Variants in KIF5A observed in about 807,000 individuals in gnomAD.
KIF5A encodes kinesin heavy chain isoform 5A.
In KIF5A, 35 loss-of-function variants were observed where a neutral mutation model predicts 141.3. That is an observed-to-expected ratio of 0.25 (90% CI 0.19 to 0.33). The LOEUF (loss-of-function observed/expected upper bound fraction) is 0.33, where lower values mean the gene tolerates loss of function less well. Ranked by LOEUF, KIF5A falls within the 10% of genes least tolerant of loss-of-function variation. KIF5A has a pLI of 1.00. For synonymous variants in KIF5A, 448 were observed against 500.2 expected, an observed-to-expected ratio of 0.90 and a Z score of 1.39; for missense variants, 861 against 1,314.3, an observed-to-expected ratio of 0.66 and a Z score of 5.33.
Position 57,550,211 on chromosome 12 carries a change from T to A in KIF5A, c.-61T>A, listed in dbSNP as rs762571585. On this transcript the variant is annotated 5_prime_UTR_variant, in exon 1 of 29. Transcript: ENST00000455537. This position sits in a 1 kb window ranked among gnomAD's most constrained non-coding sequence, Gnocchi z 4.6. ...TCGGCCTCTGCTGAGAGCCCTCTCC[T>A]CTGGAGCACACACCACCCCTGCAGC... 1 of 1,610,996 alleles carries A rather than the reference T, an allele frequency of 6.2e-7. No homozygotes were observed. Among genetic ancestry groups the A allele is most frequent in the Non-Finnish European group, 8.5e-7 (1 of 1,179,148 alleles).
chr12:57,550,271 C>T lies in KIF5A; in HGVS notation c.-1C>T. 6.2e-7 allele frequency: 1 copy of T among 1,614,080 alleles called. No individual in the cohort carries two copies. Among genetic ancestry groups the T allele is most frequent in the Non-Finnish European group, 8.5e-7 (1 of 1,180,020 alleles). ...GTCCCAGCCCCACGCCGGCTACCACCATGGCGGAGACCAACAACGAATGTA... is the reference window on the plus strand; with the variant it reads ...GTCCCAGCCCCACGCCGGCTACCACTATGGCGGAGACCAACAACGAATGTA... On this transcript the variant is annotated 5_prime_UTR_variant, in exon 1 of 29. Transcript: ENST00000455537. The surrounding 1 kb of genome is among the most constrained non-coding windows in gnomAD (Gnocchi z 4.6).
At chr12:57,583,240 C>A in intron 28 of KIF5A, 25 bp downstream of exon 28, 1 of 1,436,068 alleles carries the variant, frequency 7.0e-7, no homozygotes, top group Non-Finnish European at 9.7e-7. Context: ...CTTCCTCGGA[C>A]CAGCCTCAGG....
At chr12:57,574,727 T>C (rs911881566) in intron 15 of KIF5A, among the ~76,000 whole-genome samples, 1 of 151,742 alleles carries the variant, frequency 6.6e-6, no homozygotes, top group Non-Finnish European at 1.5e-5. Context: ...ATTACAGGCA[T>C]GTGCCATGAT....
chr12:57,568,478 C>A (rs561411729), intron 8 of KIF5A, among the ~76,000 whole-genome samples: 2 of 152,212 alleles, frequency 1.3e-5, no homozygotes, highest in South Asian at 4.1e-4. Context: ...GTAATCCCAG[C>A]ACTTTGCGAG....
chr12:57,569,152 C>A, intron 9 of KIF5A, 85 bp downstream of exon 9: 1 of 1,557,690 alleles, frequency 6.4e-7, no homozygotes, highest in Non-Finnish European at 8.8e-7. Context: ...GATCATGCCC[C>A]AATTCATGGG....
chr12:57,558,615 G>A (rs909966448), intron 1 of KIF5A, among the ~76,000 whole-genome samples: 5 of 152,180 alleles, frequency 3.3e-5, no homozygotes, highest in South Asian at 2.1e-4. Context: ...CAGAGGTTGC[G>A]GTGAGCTGAG....
At chr12:57,555,398 A>G (rs1881699571) in intron 1 of KIF5A, among the ~76,000 whole-genome samples, 1 of 152,174 alleles carries the variant, frequency 6.6e-6, no homozygotes, top group South Asian at 2.1e-4. Context: ...AAATTAATTC[A>G]TCCTGAGTAT....
intron 17 of KIF5A, 66 bp downstream of exon 17, chr12:57,575,823 C>T: frequency 8.6e-7 from 1 of 1,166,718 alleles, no homozygotes; most frequent in African/African-American, 1.5e-5. Flanking sequence ...CAAAATAAAT[C>T]ACCCCAATAA....
rs11430710 is a variant in KIF5A, at chr12:57,574,581, A to ATT, written c.1717-486_1717-485dup. On this transcript the variant is annotated intron_variant, in intron 15 of 28. Coordinates refer to ENST00000455537, the MANE Select transcript of KIF5A (RefSeq NM_004984.4). ...GCCACCGAGCCCGGCCCAGAATTGG[A>ATT]TTTTTTTTTTTTTTTTTTGAGATGG... is the stretch of plus-strand genomic sequence containing the variant. 5.7e-4 allele frequency among the ~76,000 whole-genome samples: 57 copies of ATT among 100,766 alleles called. 1 individual carries two copies. The highest frequency in any genetic ancestry group is 2.7e-3 in the East Asian group (9 of 3,376). The allele number at this position is 100,766 out of a possible 152,430, so 66.1% of individuals were successfully genotyped here.
chr12:57,583,678 C>A (rs1565706101), intron 28 of KIF5A, among the ~76,000 whole-genome samples: 1 of 152,216 alleles, frequency 6.6e-6, no homozygotes, highest in Admixed American at 6.5e-5. Context: ...CACGCCTGCA[C>A]CTGTGTCCCA....
chr12:57,557,115 G>A (rs374849956), intron 1 of KIF5A, among the ~76,000 whole-genome samples: 51 of 152,072 alleles, frequency 3.4e-4, no homozygotes, highest in African/African-American at 9.6e-4. Context: ...ATAATTATGC[G>A]CCTAATATAA....
rs1351000839 is a variant in KIF5A, at chr12:57,585,006, C to T, written c.*825C>T. ...GGAGGAGGCAGACTGCTCCCAGCAG[C>T]CTGTCAATGGCTGCTCATCTGTCCA... On this transcript the variant is annotated 3_prime_UTR_variant, in exon 29 of 29. Coordinates refer to ENST00000455537, the MANE Select transcript of KIF5A (RefSeq NM_004984.4). 3.3e-5 allele frequency: 5 copies of T among 152,326 alleles called. No individual in the cohort carries two copies. In the East Asian group the frequency reaches 5.8e-4, roughly 18 times the overall value. The allele number at this position is 152,326 out of a possible 1,614,324, so 9.4% of individuals were successfully genotyped here. A position where few individuals can be genotyped will look rare whatever the true frequency, so the allele number is the denominator to read the frequency against.
intron 1 of KIF5A, among the ~76,000 whole-genome samples, chr12:57,552,266 G>T (rs1881600318): frequency 1.3e-5 from 2 of 152,176 alleles, no homozygotes; most frequent in African/African-American, 4.8e-5. Context: ...GTGGGATGGG[G>T]CAGGGGGTGA....
intron 1 of KIF5A, among the ~76,000 whole-genome samples, chr12:57,553,846 C>T (rs1209575332): frequency 1.3e-5 from 2 of 152,052 alleles, no homozygotes; most frequent in East Asian, 1.9e-4. Context: ...TCAGAGAAGG[C>T]TATAAGGAGC....
chr12:57,562,155 CAT>C (rs1220950611), intron 1 of KIF5A, among the ~76,000 whole-genome samples: 4 of 152,220 alleles, frequency 2.6e-5, no homozygotes, highest in African/African-American at 9.6e-5. Context: ...CTTATCAGCA[CAT>C]GTGATTTACA....
rs374554951 is a variant in KIF5A, at chr12:57,576,833, C to T, written c.2271C>T (p.His757=). ...ADYEKLKSEE[H]EKSTKLQELT... ...ACGAGAAGCTGAAGAGCGAAGAACA[C>T]GAGAAGAGCACCAAGCTGCAGGAGC... Residue 757 remains histidine, a synonymous_variant, in exon 20 of 29, where the codon CAC becomes CAT. Coordinates refer to ENST00000455537, the MANE Select transcript of KIF5A (RefSeq NM_004984.4). 91 of 1,613,620 alleles carry T rather than the reference C, an allele frequency of 5.6e-5. 1 individual carries two copies. The highest frequency in any genetic ancestry group is 5.6e-4 in the East Asian group (25 of 44,870).
chr12:57,563,831 G>A, intron 3 of KIF5A, 138 bp downstream of exon 3: 1 of 821,900 alleles, frequency 1.2e-6, no homozygotes, highest in South Asian at 1.4e-5. Context: ...GAACTGAAGG[G>A]CAATATTAGG....
Position 57,572,255 on chromosome 12 carries a change from G to A in KIF5A, c.1557G>A (p.Leu519=), listed in dbSNP as rs1460072121. 1.1e-5 allele frequency: 18 copies of A among 1,592,078 alleles called. No homozygotes were observed. The highest frequency in any genetic ancestry group is 3.6e-5 in the Admixed American group (2 of 56,242). Residue 519 remains leucine (L), a synonymous_variant, in exon 14 of 29, where the codon CTG becomes CTA. Coordinates refer to ENST00000455537, the MANE Select transcript of KIF5A (RefSeq NM_004984.4). The surrounding 1 kb of genome is among the most constrained non-coding windows in gnomAD (Gnocchi z 4.2). ...AGAACCAGCTTCTGGTGGATGAGCT[G>A]TCTCAGAAGGTGGTAAGTGGTGTGC... ...SQQNQLLVDE[L]SQKVATMLSL...
intron 17 of KIF5A, 54 bp downstream of exon 17, chr12:57,575,811 A>G (rs1882406388): frequency 5.8e-6 from 7 of 1,212,014 alleles, no homozygotes; most frequent in Non-Finnish European, 8.6e-6. Flanking sequence ...AGTCAGAAAC[A>G]TCAAAATAAA....
Sources: gnomAD v4.1 joint callset for allele counts (sites outside exome capture counted in the v4.1 genomes callset) on GRCh38, gnomAD v4.1.1 for gene constraint, Gnocchi (gnomAD v3.1) non-coding constraint, MANE v1.5 for transcripts, NCBI Gene and HGNC (gene_info 2026-07-23, HGNC 2026-07-21) for gene names.